The following SOX5 variants were observed in gnomAD, a reference collection of about 807,000 sequenced individuals.
SOX5 encodes transcription factor SOX-5.
SOX5 carries 9 observed loss-of-function variants against 92.0 expected under a neutral mutation model. The ratio of observed to expected loss-of-function variants is 0.10; its 90% confidence interval spans 0.06 to 0.17. The LOEUF is 0.17. Ranked by LOEUF, SOX5 falls within the 10% of genes least tolerant of loss-of-function variation. SOX5 has a pLI of 1.00. For synonymous variants in SOX5, 344 were observed against 336.3 expected (o/e 1.02, Z -0.25); for missense variants, 642 against 944.5 (o/e 0.68, Z 4.20).
chr12:23,999,297 G>C (rs1342715769), intron 4 of SOX5, among the ~76,000 whole-genome samples: 1 of 152,064 alleles, frequency 6.6e-6, no homozygotes, highest in Non-Finnish European at 1.5e-5. Flanking sequence ...GTTACCAATG[G>C]TGAAGGGGGT....
chr12:23,661,009 T>C (rs923472502), intron 7 of SOX5, among the ~76,000 whole-genome samples: 1 of 152,186 alleles, frequency 6.6e-6, no homozygotes, highest in Non-Finnish European at 1.5e-5. Context: ...ACTAGGCACA[T>C]GTCAAAATGT....
At chr12:24,156,370 C>T (rs1053640366) in intron 4 of SOX5, among the ~76,000 whole-genome samples, 12 of 152,124 alleles carry the variant, frequency 7.9e-5, no homozygotes, top group African/African-American at 2.9e-4. Flanking sequence ...GGGAGCACTT[C>T]CTTAATAAAT....
At chr12:24,553,158 AT>A (rs1205847278) in intron 1 of SOX5, among the ~76,000 whole-genome samples, 1 of 152,176 alleles carries the variant, frequency 6.6e-6, no homozygotes, top group Non-Finnish European at 1.5e-5. Context: ...TAGTGCTCCC[AT>A]TTTACAGAGA....
intron 3 of SOX5, among the ~76,000 whole-genome samples, chr12:24,218,594 T>C (rs1407604311): frequency 2.0e-5 from 3 of 152,094 alleles, no homozygotes; most frequent in East Asian, 1.9e-4. Context: ...CTAAAAAACA[T>C]TGACATGAAC....
At chr12:23,785,767 C>T (rs936035661) in intron 3 of SOX5, among the ~76,000 whole-genome samples, 22 of 152,122 alleles carry the variant, frequency 1.4e-4, no homozygotes, top group Non-Finnish European at 2.8e-4. Flanking sequence ...TACTAAAATG[C>T]ATTGGGGATG....
chr12:23,611,301 CAT>C (rs1264337316), intron 8 of SOX5, among the ~76,000 whole-genome samples: 3 of 151,298 alleles, frequency 2.0e-5, no homozygotes, highest in Non-Finnish European at 4.4e-5. Flanking sequence ...CAGGTTTATC[CAT>C]GTTTTCACAA....
intron 7 of SOX5, among the ~76,000 whole-genome samples, chr12:23,663,612 C>A (rs755142930): frequency 2.0e-5 from 3 of 151,824 alleles, no homozygotes; most frequent in Non-Finnish European, 4.4e-5. Context: ...TCAAAGGCAA[C>A]TAATGATTTT....
intron 4 of SOX5, among the ~76,000 whole-genome samples, chr12:24,068,304 G>A (rs1941126055): frequency 6.6e-6 from 1 of 152,084 alleles, no homozygotes; most frequent in South Asian, 2.1e-4. Context: ...TGGAAATACT[G>A]ATAACATTGT....
intron 1 of SOX5, among the ~76,000 whole-genome samples, chr12:24,454,436 T>C (rs1328456704): frequency 3.3e-5 from 5 of 152,332 alleles, no homozygotes; most frequent in Admixed American, 1.3e-4. Context: ...TCACTTTTAT[T>C]CCTCACCCTT....
rs149929882 is a variant in SOX5, at chr12:24,007,079, G to A, written c.-1-111055C>T. On this transcript the variant is annotated intron_variant, in intron 4 of 4. Coordinates refer to the SOX5 transcript ENST00000446891. ...ACCCAGGAGGTGGAGGTTGCAGTGA[G>A]CTGAGCTCCCGCCATTGCACTCCAG... Among the ~76,000 whole-genome samples, 1,413 of 146,326 alleles carry A rather than the reference G, an allele frequency of 9.7e-3. 49 individuals carry two copies. The highest frequency in any genetic ancestry group is 0.035 in the African/African-American group (1,344 of 38,854).
intron 3 of SOX5, among the ~76,000 whole-genome samples, chr12:24,254,391 A>T (rs932908707): frequency 2.0e-5 from 3 of 151,802 alleles, no homozygotes; most frequent in African/African-American, 7.3e-5. Flanking sequence ...TTGTAAAAAA[A>T]AAAGTCAAAA....
chr12:23,765,764 T>G (rs1272616339), intron 3 of SOX5, among the ~76,000 whole-genome samples: 1 of 152,148 alleles, frequency 6.6e-6, no homozygotes, highest in Non-Finnish European at 1.5e-5. Flanking sequence ...TCTTCTTTAT[T>G]TTGCACAGTT....
intron 3 of SOX5, among the ~76,000 whole-genome samples, chr12:24,262,630 C>T (rs748880893): frequency 7.2e-5 from 11 of 152,182 alleles, no homozygotes; most frequent in Non-Finnish European, 1.3e-4. Flanking sequence ...ATGCAAAGAG[C>T]TCAGAAGTGA....
upstream of SOX5, among the ~76,000 whole-genome samples, chr12:23,950,262 GCACA>G (rs111520694): frequency 1.4e-4 from 21 of 148,230 alleles, no homozygotes; most frequent in South Asian, 1.1e-3. Context: ...GGAAATACAC[GCACA>G]CACACACACA....
At chr12:24,381,354 A>T (rs896436063) in intron 1 of SOX5, among the ~76,000 whole-genome samples, 13 of 152,266 alleles carry the variant, frequency 8.5e-5, no homozygotes, top group African/African-American at 3.1e-4. Context: ...ACTTTCAATT[A>T]TACAGTGAGA....
chr12:24,366,157 A>G (rs1956152615), intron 2 of SOX5, among the ~76,000 whole-genome samples: 3 of 152,164 alleles, frequency 2.0e-5, no homozygotes. Context: ...CTAGAATGAC[A>G]TGCAAATTTT....
At position 23,721,665 on chromosome 12, in the gene SOX5, C is replaced by A. The variant is rs78964518; in HGVS notation, c.810+13019G>T. ...CTCAAATGACTATCTTTGAGTATACCCCAGTTTTTACAGCAATATAAACAT... is the reference window on the plus strand; with the variant it reads ...CTCAAATGACTATCTTTGAGTATACACCAGTTTTTACAGCAATATAAACAT... On this transcript the variant is annotated intron_variant, in intron 6 of 14. Transcript: ENST00000451604. 7.5e-4 allele frequency among the ~76,000 whole-genome samples: 114 copies of A among 152,166 alleles called. 2 individuals carry two copies. In the East Asian group the frequency reaches 0.021, roughly 28 times the overall value.
intron 3 of SOX5, among the ~76,000 whole-genome samples, chr12:23,825,510 T>C (rs927057126): frequency 1.3e-5 from 2 of 152,192 alleles, no homozygotes; most frequent in African/African-American, 4.8e-5. Context: ...ACGGGAGCAG[T>C]TCCTATTCGG....
chr12:24,014,828 A>G (rs1953391630), intron 4 of SOX5, among the ~76,000 whole-genome samples: 1 of 152,172 alleles, frequency 6.6e-6, no homozygotes, highest in Admixed American at 6.5e-5. Context: ...TTCCTAATAT[A>G]GACTACAGAC....
Sources: allele counts gnomAD v4.1 joint callset (sites outside exome capture counted in the v4.1 genomes callset), GRCh38; gene constraint gnomAD v4.1.1; transcripts MANE v1.5; gene names NCBI Gene and HGNC (gene_info 2026-07-23, HGNC 2026-07-21).